CUL3: variants seen among roughly 807,000 people sequenced by gnomAD.
The protein encoded by CUL3 is cullin-3.
A neutral mutation model predicts 89.1 loss-of-function variants in CUL3; 19 were observed. That is an observed-to-expected ratio of 0.21 (90% CI 0.15 to 0.31). The LOEUF (loss-of-function observed/expected upper bound fraction) is 0.31. Among genes scored for constraint, CUL3 ranks in the 10% least tolerant of loss-of-function variants. The pLI is 1.00. For synonymous variants in CUL3, 351 were observed against 308.4 expected (o/e 1.14, Z -1.45); for missense variants, 469 against 942.3 (o/e 0.50, Z 6.58).
At chr2:224,487,443 C>CCA (rs1491386973) in intron 13 of CUL3, among the ~76,000 whole-genome samples, 3 of 28,084 alleles carry the variant, frequency 1.1e-4, no homozygotes, top group African/African-American at 2.0e-4. Context: ...CCGCCCCCCC[C>CCA]AAAAAAAAAA....
chr2:224,512,366 G>A, intron 5 of CUL3, among the ~76,000 whole-genome samples: 1 of 152,252 alleles, frequency 6.6e-6, no homozygotes, highest in East Asian at 1.9e-4. Context: ...AAAGTGCTGG[G>A]ATTACAGGCG....
chr2:224,549,084 G>A (rs1694409748), intron 2 of CUL3, among the ~76,000 whole-genome samples: 1 of 152,182 alleles, frequency 6.6e-6, no homozygotes, highest in Non-Finnish European at 1.5e-5. Context: ...GGAGGCCAAG[G>A]CGGGTGGATC....
In CUL3 at chr2:224,499,427, G is replaced by A. The variant is rs568669798; in HGVS notation, c.1610+936C>T. The A allele has an allele frequency of 5.8e-5, 14 of 240,420 alleles. No individual in the cohort carries two copies. In the East Asian group the frequency reaches 8.9e-4, roughly 15 times the overall value. The allele number at this position is 240,420 out of a possible 1,614,324, so 14.9% of individuals were successfully genotyped here. A position where few individuals can be genotyped will look rare whatever the true frequency, so the allele number is the denominator to read the frequency against. On this transcript the variant is annotated intron_variant, in intron 11 of 15. Transcript: ENST00000264414. ...CAGTGCCTTCCACAATTTCAAAGAG[G>A]TCGTGACAGATACTTGTCCTCCTGG... is the stretch of plus-strand genomic sequence containing the variant.
chr2:224,583,872 G>C (rs1695502747), intron 1 of CUL3, among the ~76,000 whole-genome samples: 1 of 152,152 alleles, frequency 6.6e-6, no homozygotes, highest in Non-Finnish European at 1.5e-5. Context: ...CCCCTCTTTC[G>C]CTGGTACATC....
chr2:224,497,662 T>A, intron 12 of CUL3, 91 bp downstream of exon 12: 1 of 911,740 alleles, frequency 1.1e-6, no homozygotes, highest in Non-Finnish European at 1.7e-6. Context: ...GAAACAGAAG[T>A]AAGTAATTTA....
At chr2:224,542,191 A>G (rs1455911790) in intron 2 of CUL3, among the ~76,000 whole-genome samples, 1 of 152,228 alleles carries the variant, frequency 6.6e-6, no homozygotes, top group Non-Finnish European at 1.5e-5. Flanking sequence ...CAATTTGAGT[A>G]TATCAACCTT....
Position 224,500,436 on chromosome 2 carries a change from A to AAT in CUL3, c.1535_1536dup (p.Trp513IlefsTer29). The AAT allele has an allele frequency of 6.2e-7, 1 of 1,614,062 alleles. No individual in the cohort carries two copies. On this transcript the variant is annotated frameshift_variant, in exon 11 of 16. Transcript: ENST00000264414. LOFTEE classifies it high-confidence loss of function. ...TTTGGTGTGGCTGACTGAGTGGGCC[A>AAT]ATATCCTGTCGTGAGCACCCGGACT...
intron 1 of CUL3, among the ~76,000 whole-genome samples, chr2:224,561,703 A>T (rs1001026872): frequency 6.6e-6 from 1 of 152,196 alleles, no homozygotes; most frequent in Non-Finnish European, 1.5e-5. Context: ...TTTTAATCAG[A>T]TATCCTGATA....
chr2:224,574,796 A>G lies in CUL3; in HGVS notation c.66+10148T>C, dbSNP rs143145940. Among the ~76,000 whole-genome samples, 814 of 152,338 alleles carry G rather than the reference A, an allele frequency of 5.3e-3. 1 individual carries two copies. The highest frequency in any genetic ancestry group is 9.1e-3 in the Non-Finnish European group (622 of 68,026). On this transcript the variant is annotated intron_variant, in intron 1 of 15. Transcript: ENST00000264414. ...TTTCATTTAATCCTCACAATTTGTGAAAGACTGCTGTAGTTCTCATCTTAA... is the reference window on the plus strand; with the variant it reads ...TTTCATTTAATCCTCACAATTTGTGGAAGACTGCTGTAGTTCTCATCTTAA...
At chr2:224,504,068 C>G in intron 8 of CUL3, 1 of 334,822 alleles carries the variant, frequency 3.0e-6, no homozygotes, top group South Asian at 7.6e-5. Context: ...AGGGCTACCA[C>G]TGAATTGGAG....
At chr2:224,508,788 CT>C (rs1017037304) in intron 6 of CUL3, among the ~76,000 whole-genome samples, 2 of 151,274 alleles carry the variant, frequency 1.3e-5, no homozygotes, top group African/African-American at 2.4e-5. Context: ...TGAAACCCCC[CT>C]GTCTTTAATA....
rs556155781 is a variant in CUL3, at chr2:224,552,464, C to T, written c.264+5195G>A. On this transcript the variant is annotated intron_variant, in intron 2 of 15. Transcript: ENST00000264414. The stretch of plus-strand genomic sequence containing the variant: ...ACCAGAAGTGCTTTTATTAGAGAAA[C>T]AGTACTTATATTTTCTATGCCTGCT... 2.9e-4 allele frequency among the ~76,000 whole-genome samples: 44 copies of T among 152,248 alleles called. 1 individual carries two copies. Among genetic ancestry groups the T allele is most frequent in the Admixed American group, 3.9e-4 (6 of 15,296 alleles).
chr2:224,475,505 CTTG>C (rs1025831416), intron 15 of CUL3, among the ~76,000 whole-genome samples: 1 of 152,194 alleles, frequency 6.6e-6, no homozygotes, highest in Non-Finnish European at 1.5e-5. Flanking sequence ...TGCTTTTACT[CTTG>C]TTGATCAGTT....
rs771530971 is a variant in CUL3 at position 224,485,394 on chromosome 2, A to C, written c.1843-3316T>G. On this transcript the variant is annotated intron_variant, in intron 13 of 15. Coordinates refer to ENST00000264414, the MANE Select transcript of CUL3 (RefSeq NM_003590.5). The surrounding 1 kb of genome is among the most constrained non-coding windows in gnomAD (Gnocchi z 4.1). The stretch of plus-strand genomic sequence containing the variant: ...CTGGGTTGAAATTCTCACTGCCAGC[A>C]CAGCAGTCTGAAGTCAACCTGGGAC... 1 of 152,344 alleles carries C rather than the reference A, an allele frequency of 6.6e-6. No homozygotes were observed. Among genetic ancestry groups the C allele is most frequent in the Non-Finnish European group, 1.5e-5 (1 of 68,190 alleles). 9.4% of individuals were successfully genotyped at this position (152,344 alleles called of 1,614,324 possible). A position where few individuals can be genotyped will look rare whatever the true frequency, so the allele number is the denominator to read the frequency against.
chr2:224,535,229 C>A (rs943641425), intron 3 of CUL3, among the ~76,000 whole-genome samples: 1 of 152,044 alleles, frequency 6.6e-6, no homozygotes, highest in Admixed American at 6.5e-5. Flanking sequence ...CTCTGTTGCC[C>A]AAGTGAGAGT....
chr2:224,535,456 C>CA (rs1197284388), intron 3 of CUL3, 72 bp downstream of exon 3: 2 of 1,033,870 alleles, frequency 1.9e-6, no homozygotes, highest in African/African-American at 1.7e-5. Flanking sequence ...AGGCGTGAGC[C>CA]ACCGTGCCCA....
At chr2:224,526,629 A>C (rs562289752) in intron 3 of CUL3, among the ~76,000 whole-genome samples, 1 of 151,054 alleles carries the variant, frequency 6.6e-6, no homozygotes, top group African/African-American at 2.4e-5. Context: ...AAAACAAATA[A>C]TGTGCTCTAT....
Position 224,511,359 on chromosome 2 carries a change from G to C in CUL3, c.878C>G (p.Thr293Arg), listed in dbSNP as rs750413561. 1 of 1,595,814 alleles carries C rather than the reference G, an allele frequency of 6.3e-7. No individual in the cohort carries two copies. The highest frequency in any genetic ancestry group is 8.6e-7 in the Non-Finnish European group (1 of 1,167,214). Residue 293 changes from threonine (T) to arginine (R), a missense_variant, in exon 6 of 16, where the codon ACA (threonine) becomes AGA (arginine). Physicochemically the swap from Thr to Arg is moderately conservative, Grantham distance 71. This residue lies in a region of CUL3 where 370 missense variants were observed against 733.2 expected (regional missense o/e 0.50). Coordinates refer to ENST00000264414, the MANE Select transcript of CUL3 (RefSeq NM_003590.5). ...GLVHMLKNGKTEDLGCMYKLF... is the reference protein window; with the variant it reads ...GLVHMLKNGKREDLGCMYKLF... ...TTTCAATCGGTAACACTTACCTTCT[G>C]TCTTTCCATTTTTCAACATATGTAC... is the stretch of plus-strand genomic sequence containing the variant.
At position 224,584,969 on chromosome 2, in the gene CUL3, G is replaced by T. The variant is rs767631760; in HGVS notation, c.41C>A (p.Thr14Asn). ...LSKGTGSRKD[T>N]KMRIRAFPMT... ...CGGAAAGGCCCGGATCCGCATCTTG[G>T]TGTCCTTCCGGCTGCCCGTGCCTTT... Residue 14 changes from threonine to asparagine, a missense_variant, in exon 1 of 16, where the codon ACC (threonine) becomes AAC (asparagine). Coordinates refer to ENST00000264414, the MANE Select transcript of CUL3 (RefSeq NM_003590.5). 5.3e-6 allele frequency: 8 copies of T among 1,507,444 alleles called. No homozygotes were observed. Among genetic ancestry groups the T allele is most frequent in the Admixed American group, 1.9e-5 (1 of 53,534 alleles). 93.4% of individuals were successfully genotyped at this position (1,507,444 alleles called of 1,614,324 possible).
Sources: allele counts gnomAD v4.1 joint callset (sites outside exome capture counted in the v4.1 genomes callset), GRCh38; gene constraint gnomAD v4.1.1; regional missense constraint gnomAD v4.1.1; non-coding constraint Gnocchi (gnomAD v3.1); transcripts MANE v1.5; gene names NCBI Gene and HGNC (gene_info 2026-07-23, HGNC 2026-07-21).